ZNF28: variants seen among roughly 807,000 people sequenced by gnomAD.
ZNF28 encodes the protein zinc finger protein KOX24.
ZNF28 carries 5 observed loss-of-function variants against 7.2 expected under a neutral mutation model. The observed-to-expected ratio is 0.70, with a 90% CI of 0.36 to 1.46. The LOEUF is 1.46. Ranked by LOEUF, ZNF28 falls within the 40% of genes most tolerant of loss-of-function variation. ZNF28 has a pLI of 0.03. For missense variants in ZNF28, 879 were observed against 866.6 expected, an observed-to-expected ratio of 1.01 and a Z score of -0.18; for synonymous variants, 288 against 292.4, an observed-to-expected ratio of 0.99 and a Z score of 0.15.
chr19:52,808,813 A>C (rs1297777495), intron 2 of ZNF28, among the ~76,000 whole-genome samples: 1 of 152,090 alleles, frequency 6.6e-6, no homozygotes, highest in African/African-American at 2.4e-5. Flanking sequence ...ACCCCATCTC[A>C]AAATAAAATA....
At position 52,809,864 on chromosome 19, in the gene ZNF28, G is replaced by A. The variant is rs1172096241; in HGVS notation, c.16-1731C>T. Reference sequence around the variant, plus strand: ...GTGGCGGTGGTGGCAGTAGCACTGGGCCTGCGGGCGGTCCGGGATCCAGGC... The same window carrying A: ...GTGGCGGTGGTGGCAGTAGCACTGGACCTGCGGGCGGTCCGGGATCCAGGC... On this transcript the variant is annotated intron_variant, in intron 2 of 3. Coordinates refer to ENST00000457749, the MANE Select transcript of ZNF28 (RefSeq NM_006969.5). 3.6e-5 allele frequency: 24 copies of A among 660,218 alleles called. No homozygotes were observed. The Admixed American group carries it at 6.1e-4, about 17-fold the overall frequency. The allele number at this position is 660,218 out of a possible 1,614,324, so 40.9% of individuals were successfully genotyped here. A position where few individuals can be genotyped will look rare whatever the true frequency, so the allele number is the denominator to read the frequency against.
chr19:52,808,075 A>T lies in ZNF28; in HGVS notation c.74T>A (p.Leu25Gln). Residue 25 changes from leucine to glutamine, a missense_variant, in exon 3 of 4, where the codon CTG becomes CAG. Around this residue, in one of 2 missense-constraint regions of ZNF28, gnomAD observed 864 missense variants for 830.2 expected, o/e 1.04. Coordinates refer to ENST00000457749, the MANE Select transcript of ZNF28 (RefSeq NM_006969.5). ...IEFSQEEWKC[L>Q]DPAQRTLYRD... ...GTAAAGAGTCCTCTGAGCAGGGTCC[A>T]GGCATTTCCACTCCTCCTGAGAGAA... 1 of 1,613,550 alleles carries T rather than the reference A, an allele frequency of 6.2e-7. No homozygotes were observed.
chr19:52,810,351 G>A (rs1600454257), intron 2 of ZNF28: 1 of 1,604,580 alleles, frequency 6.2e-7, no homozygotes, highest in Non-Finnish European at 8.5e-7. Flanking sequence ...AACAGCAGAA[G>A]AGCTGGAAGC....
chr19:52,810,947 C>G (rs1223522231), intron 2 of ZNF28, among the ~76,000 whole-genome samples: 1 of 130,682 alleles, frequency 7.7e-6, no homozygotes, highest in East Asian at 2.7e-4. Flanking sequence ...CGAGCCAAAG[C>G]TGGACGGTAC....
chr19:52,817,770 T>G (rs1714746647), intron 2 of ZNF28, among the ~76,000 whole-genome samples, 174 bp downstream of exon 2: 1 of 152,092 alleles, frequency 6.6e-6, no homozygotes. Flanking sequence ...TTCATGTCAC[T>G]GGGTCACCAG....
chr19:52,820,320 T>A (rs1194071884), intron 1 of ZNF28, among the ~76,000 whole-genome samples: 1 of 135,898 alleles, frequency 7.4e-6, no homozygotes, highest in Non-Finnish European at 1.5e-5. Context: ...GGTTTCACCT[T>A]GTTAGCCAGG....
chr19:52,809,844 G>C, intron 2 of ZNF28: 2 of 575,340 alleles, frequency 3.5e-6, no homozygotes, highest in Non-Finnish European at 6.1e-6. Context: ...CGGCGGTGGC[G>C]GTGGTGGCAG....
chr19:52,799,800 T>C lies in ZNF28; in HGVS notation c.2045A>G (p.Gln682Arg), dbSNP rs565912719. 193 of 1,613,764 alleles carry C rather than the reference T, an allele frequency of 1.2e-4. 4 individuals carry two copies. In the South Asian group the frequency reaches 2.1e-3, roughly 17 times the overall value. ...AGGTTTCTCTCCAGTATGAACTCTC[T>C]GATGCTGTGCAAGGTGTGCTTGTTG... Reference protein sequence around the residue: ...FNQQAHLAQHQRVHTGEKPYK... With the variant: ...FNQQAHLAQHRRVHTGEKPYK... The change falls in exon 4 of 4, where the codon CAG (glutamine) becomes CGG (arginine). Residue 682 changes from glutamine to arginine, a missense_variant. Transcript: ENST00000457749.
At chr19:52,813,249 G>GAA (rs71183837) in intron 2 of ZNF28, among the ~76,000 whole-genome samples, 701 of 62,976 alleles carry the variant, frequency 0.011, 44 homozygotes, top group Non-Finnish European at 0.012. Flanking sequence ...CTTGAATGGT[G>GAA]AAAAAAAAAA....
At chr19:52,820,313 T>G (rs2063179669) in intron 1 of ZNF28, among the ~76,000 whole-genome samples, 1 of 134,592 alleles carries the variant, frequency 7.4e-6, no homozygotes, top group Non-Finnish European at 1.5e-5. Context: ...GAGACGGGGT[T>G]TCACCTTGTT....
At position 52,800,697 on chromosome 19, in the gene ZNF28, T is replaced by C. The variant is rs1358689564; in HGVS notation, c.1148A>G (p.Tyr383Cys). 6.2e-7 allele frequency: 1 copy of C among 1,613,992 alleles called. No individual in the cohort carries two copies. Among genetic ancestry groups the C allele is most frequent in the Non-Finnish European group, 8.5e-7 (1 of 1,179,988 alleles). Residue 383 changes from tyrosine (Y) to cysteine (C), a missense_variant, in exon 4 of 4, where the codon TAT (tyrosine) becomes TGT (cysteine). By Grantham distance (194) the Tyr-to-Cys change is radical. Around this residue, in one of 2 missense-constraint regions of ZNF28, gnomAD observed 864 missense variants for 830.2 expected, o/e 1.04. Coordinates refer to ENST00000457749, the MANE Select transcript of ZNF28 (RefSeq NM_006969.5). ...AACTTTTTCACATTCTTCACATTCA[T>C]AAGGTTTCTCTCCAGTATGAAGCCT... ...HRRLHTGEKP[Y>C]ECEECEKVFS...
chr19:52,817,916 G>C (rs1181134174), intron 2 of ZNF28, 28 bp downstream of exon 2: 1 of 1,609,776 alleles, frequency 6.2e-7, no homozygotes, highest in Non-Finnish European at 8.5e-7. Flanking sequence ...GAAGGAGACA[G>C]AGCAATCCAC....
chr19:52,808,027 T>A lies in ZNF28; in HGVS notation c.122A>T (p.Tyr41Phe), dbSNP rs577669561. The change falls in exon 3 of 4, where the codon TAT (tyrosine) becomes TTT (phenylalanine). Residue 41 changes from tyrosine (Y) to phenylalanine (F), a missense_variant. Around this residue, in one of 2 missense-constraint regions of ZNF28, gnomAD observed 864 missense variants for 830.2 expected, o/e 1.04. Transcript: ENST00000457749. ...CTCACCCAGGGAGACCAGGTTCCTATAATTCTCCAGCATCACATCCCTGTA... is the reference window on the plus strand; with the variant it reads ...CTCACCCAGGGAGACCAGGTTCCTAAAATTCTCCAGCATCACATCCCTGTA... The part of the protein sequence containing the change: ...TLYRDVMLEN[Y>F]RNLVSLDISS... 1.9e-6 allele frequency: 3 copies of A among 1,613,520 alleles called. No homozygotes were observed. Among genetic ancestry groups the A allele is most frequent in the Non-Finnish European group, 2.5e-6 (3 of 1,179,538 alleles).
chr19:52,820,895 C>T (rs954052426), intron 1 of ZNF28, among the ~76,000 whole-genome samples: 25 of 152,040 alleles, frequency 1.6e-4, no homozygotes, highest in Admixed American at 1.0e-3. Flanking sequence ...TTCTACTGCT[C>T]TCTTAGTCCC....
Position 52,800,263 on chromosome 19 carries a change from A to G in ZNF28, c.1582T>C (p.Cys528Arg). ...TGEKPYMCNE[C>R]GKVFSTKANL... ...GCTTTTGTACTAAAAACCTTGCCACATTCATTACACATGTATGGTTTCTCT... is the reference window on the plus strand; with the variant it reads ...GCTTTTGTACTAAAAACCTTGCCACGTTCATTACACATGTATGGTTTCTCT... Residue 528 changes from cysteine to arginine, a missense_variant, in exon 4 of 4, where the codon TGT becomes CGT. By Grantham distance (180) the Cys-to-Arg change is radical. Around this residue, in one of 2 missense-constraint regions of ZNF28, gnomAD observed 864 missense variants for 830.2 expected, o/e 1.04. Transcript: ENST00000457749. The G allele has an allele frequency of 3.1e-6, 5 of 1,613,450 alleles. No homozygotes were observed. The highest frequency in any genetic ancestry group is 4.2e-6 in the Non-Finnish European group (5 of 1,179,834).
At chr19:52,820,494 CCT>C (rs905583499) in intron 1 of ZNF28, among the ~76,000 whole-genome samples, 1 of 152,030 alleles carries the variant, frequency 6.6e-6, no homozygotes, top group African/African-American at 2.4e-5. Context: ...CCTCTTCTCC[CCT>C]CTCTGCTCTC....
intron 1 of ZNF28, among the ~76,000 whole-genome samples, chr19:52,820,732 C>T (rs893969040): frequency 2.0e-5 from 3 of 152,198 alleles, no homozygotes; most frequent in Admixed American, 6.5e-5. Flanking sequence ...TCTCTCTGTA[C>T]ATCTAGCTTT....
chr19:52,821,573 G>A lies in ZNF28; in HGVS notation c.-74+13C>T, dbSNP rs1472181337. 1 of 152,160 alleles carries A rather than the reference G, an allele frequency of 6.6e-6. No individual in the cohort carries two copies. The highest frequency in any genetic ancestry group is 1.5e-5 in the Non-Finnish European group (1 of 68,046). The allele number at this position is 152,160 out of a possible 1,614,324, so 9.4% of individuals were successfully genotyped here. Reference sequence around the variant, plus strand: ...GGAAGCTCAGACTTAACACCACACAGAGCAAAACTCACCGCCCGCCGCGGC... The same window carrying A: ...GGAAGCTCAGACTTAACACCACACAAAGCAAAACTCACCGCCCGCCGCGGC... On this transcript the variant is annotated intron_variant, in intron 1 of 3. Coordinates refer to ENST00000457749, the MANE Select transcript of ZNF28 (RefSeq NM_006969.5).
Position 52,801,558 on chromosome 19 carries a change from C to G in ZNF28, c.287G>C (p.Gly96Ala). Reference protein sequence around the residue: ...CFQKIEKDIHGFQFQWKEDET... With the variant: ...CFQKIEKDIHAFQFQWKEDET... Reference sequence around the variant, plus strand: ...ATCTTCTTTCCACTGAAACTGGAAGCCATGAATGTCTTTCTCAATTTTCTG... The same window carrying G: ...ATCTTCTTTCCACTGAAACTGGAAGGCATGAATGTCTTTCTCAATTTTCTG... The change falls in exon 4 of 4, where the codon GGC becomes GCC. Residue 96 changes from glycine to alanine, a missense_variant. Physicochemically the swap from Gly to Ala is moderately conservative, Grantham distance 60 (BLOSUM62 0). Transcript: ENST00000457749. The G allele has an allele frequency of 6.2e-7, 1 of 1,614,138 alleles. No homozygotes were observed.
Sources: allele counts gnomAD v4.1 joint callset (sites outside exome capture counted in the v4.1 genomes callset), GRCh38; gene constraint gnomAD v4.1.1; regional missense constraint gnomAD v4.1.1; transcripts MANE v1.5; gene names NCBI Gene and HGNC (gene_info 2026-07-23, HGNC 2026-07-21).